Variants in OIT3 observed in about 807,000 individuals in gnomAD.
OIT3 encodes the protein oncoprotein induced transcript 3.
A neutral mutation model predicts 52.2 loss-of-function variants in OIT3; 41 were observed. The ratio of observed to expected loss-of-function variants is 0.79; its 90% CI spans 0.61 to 1.02. The LOEUF (loss-of-function observed/expected upper bound fraction) is 1.02. OIT3 is among the 50% of genes least tolerant of loss of function. The pLI is 0.00. For missense variants in OIT3, 634 were observed against 715.5 expected (o/e 0.89, Z 1.30); for synonymous variants, 244 against 276.9 (o/e 0.88, Z 1.18).
chr10:72,929,820 G>T (rs1035448691), intron 7 of OIT3, among the ~76,000 whole-genome samples: 1 of 152,168 alleles, frequency 6.6e-6, no homozygotes, highest in Non-Finnish European at 1.5e-5. Flanking sequence ...TGGGATTACA[G>T]GCGTGAGCCA....
At chr10:72,913,061 T>G (rs1455921859) in intron 5 of OIT3, among the ~76,000 whole-genome samples, 1 of 152,226 alleles carries the variant, frequency 6.6e-6, no homozygotes, top group African/African-American at 2.4e-5. Context: ...AAACCAATGT[T>G]TGGTGAATTG....
intron 1 of OIT3, among the ~76,000 whole-genome samples, chr10:72,895,644 CG>C (rs1414956428): frequency 1.3e-5 from 2 of 152,128 alleles, no homozygotes; most frequent in African/African-American, 2.4e-5. Flanking sequence ...GATTCAGGGG[CG>C]GCTGTCTGCC....
At position 72,906,643 on chromosome 10, in the gene OIT3, G is replaced by A. The variant is rs150911690; in HGVS notation, c.592G>A (p.Val198Met). The part of the protein sequence containing the change: ...QNNGGCSEIC[V>M]NLKNSYRCEC... ...CAACGGTGGCTGCAGTGAGATCTGT[G>A]TGAACCTCAAAAACTCCTACCGCTG... Residue 198 changes from valine to methionine, a missense_variant, in exon 4 of 9, where the codon GTG becomes ATG. Val to Met is a conservative substitution (Grantham distance 21). Coordinates refer to ENST00000334011, the MANE Select transcript of OIT3 (RefSeq NM_152635.3). 1.9e-6 allele frequency: 3 copies of A among 1,613,560 alleles called. No individual in the cohort carries two copies. The African/African-American group carries it at 4.0e-5, about 22-fold the overall frequency.
At chr10:72,926,265 A>C (rs1380079201) in intron 7 of OIT3, among the ~76,000 whole-genome samples, 1 of 152,230 alleles carries the variant, frequency 6.6e-6, no homozygotes, top group Non-Finnish European at 1.5e-5. Flanking sequence ...CACTACAGCC[A>C]GCCTTCACCT....
chr10:72,911,963 C>A (rs1439788189), intron 5 of OIT3, 124 bp downstream of exon 5: 3 of 761,568 alleles, frequency 3.9e-6, no homozygotes, highest in African/African-American at 3.5e-5. Flanking sequence ...GCTCTTCGAG[C>A]AGTGTGTATT....
chr10:72,912,103 T>G (rs1315302430), intron 5 of OIT3, among the ~76,000 whole-genome samples: 4 of 152,156 alleles, frequency 2.6e-5, no homozygotes, highest in Non-Finnish European at 5.9e-5. Flanking sequence ...TGACTAATAC[T>G]CAATATGGAA....
chr10:72,924,872 G>A (rs1846155167), intron 7 of OIT3, among the ~76,000 whole-genome samples: 1 of 152,098 alleles, frequency 6.6e-6, no homozygotes. Context: ...AGCACTTTGG[G>A]AGCCAAGGCG....
At position 72,913,263 on chromosome 10, in the gene OIT3, C is replaced by T. The variant is rs201798169; in HGVS notation, c.791-45C>T. The T allele has an allele frequency of 3.8e-5, 56 of 1,482,582 alleles. 1 individual carries two copies. In the African/African-American group the frequency reaches 5.5e-4, roughly 15 times the overall value. 91.8% of individuals were successfully genotyped at this position (1,482,582 alleles called of 1,614,324 possible). ...TTATTTCTCCTAAAAGCCTTCCTCCCGATTCAGGTTTCCTGGCTCTAACAG... is the reference window on the plus strand; with the variant it reads ...TTATTTCTCCTAAAAGCCTTCCTCCTGATTCAGGTTTCCTGGCTCTAACAG... On this transcript the variant is annotated intron_variant, in intron 5 of 8. Coordinates refer to ENST00000334011, the MANE Select transcript of OIT3 (RefSeq NM_152635.3).
intron 6 of OIT3, among the ~76,000 whole-genome samples, chr10:72,916,094 C>T (rs183481132): frequency 6.6e-6 from 1 of 152,264 alleles, no homozygotes; most frequent in East Asian, 1.9e-4. Context: ...ACTCTCATCG[C>T]ACTCATCCCT....
Position 72,932,764 on chromosome 10 carries a change from C to A in OIT3, c.*240C>A. 2.4e-6 allele frequency: 1 copy of A among 412,420 alleles called. No homozygotes were observed. The highest frequency in any genetic ancestry group is 4.3e-6 in the Non-Finnish European group (1 of 233,434). 25.5% of individuals were successfully genotyped at this position (412,420 alleles called of 1,614,324 possible). A position where few individuals can be genotyped will look rare whatever the true frequency, so the allele number is the denominator to read the frequency against. On this transcript the variant is annotated 3_prime_UTR_variant, in exon 9 of 9. Coordinates refer to ENST00000334011, the MANE Select transcript of OIT3 (RefSeq NM_152635.3). Reference sequence around the variant, plus strand: ...TAGGGTTGAAAACTAAACTGTCCACCCAGAAAGACACTCACCCCATTTCCC... The same window carrying A: ...TAGGGTTGAAAACTAAACTGTCCACACAGAAAGACACTCACCCCATTTCCC...
intron 6 of OIT3, among the ~76,000 whole-genome samples, chr10:72,916,118 T>C (rs1450924678): frequency 2.0e-5 from 3 of 152,164 alleles, no homozygotes; most frequent in Non-Finnish European, 1.5e-5. Flanking sequence ...TGACCATAGA[T>C]CATTTCTTAC....
intron 7 of OIT3, 92 bp downstream of exon 7, chr10:72,924,736 G>GT: frequency 9.7e-7 from 1 of 1,030,182 alleles, no homozygotes; most frequent in Non-Finnish European, 1.4e-6. Flanking sequence ...AAACTGCATG[G>GT]TACCACTGTC....
At chr10:72,920,364 A>C (rs1414824692) in intron 6 of OIT3, among the ~76,000 whole-genome samples, 4 of 151,832 alleles carry the variant, frequency 2.6e-5, no homozygotes, top group African/African-American at 9.7e-5. Context: ...TATTTTATTA[A>C]CTTTTTGGAA....
chr10:72,932,295 AG>A lies in OIT3; in HGVS notation c.1468-58del, dbSNP rs374109952. ...GGAACATTTAGTATTGTGTCTTGTAAGTGCCCCACAAGTGGCAGCAGTTATT... is the reference window on the plus strand; with the variant it reads ...GGAACATTTAGTATTGTGTCTTGTAATGCCCCACAAGTGGCAGCAGTTATT... On this transcript the variant is annotated intron_variant, in intron 8 of 8. Transcript: ENST00000334011. 4.8e-6 allele frequency: 7 copies of A among 1,455,028 alleles called. No homozygotes were observed. The African/African-American group carries it at 5.6e-5, about 12-fold the overall frequency. The allele number at this position is 1,455,028 out of a possible 1,614,324, so 90.1% of individuals were successfully genotyped here.
chr10:72,904,982 C>T (rs559337450), intron 3 of OIT3, among the ~76,000 whole-genome samples: 8 of 152,294 alleles, frequency 5.3e-5, no homozygotes, highest in Middle Eastern at 3.4e-3. Flanking sequence ...CTGGCATGTG[C>T]AGAGATCTCA....
intron 6 of OIT3, among the ~76,000 whole-genome samples, chr10:72,923,733 T>C (rs1448246650): frequency 1.3e-5 from 2 of 152,188 alleles, no homozygotes. Flanking sequence ...GAGGACCTGC[T>C]TAAAGAAGCA....
chr10:72,907,230 G>A (rs1012550314), intron 4 of OIT3, among the ~76,000 whole-genome samples: 43 of 152,126 alleles, frequency 2.8e-4, no homozygotes, highest in Admixed American at 1.8e-3. Flanking sequence ...CTATGATTGC[G>A]CCACTGCACT....
chr10:72,927,200 G>A (rs1408306092), intron 7 of OIT3, among the ~76,000 whole-genome samples: 2 of 151,980 alleles, frequency 1.3e-5, no homozygotes, highest in Non-Finnish European at 1.5e-5. Context: ...GTGCAGTGGC[G>A]CAATCTCAGC....
intron 6 of OIT3, among the ~76,000 whole-genome samples, chr10:72,915,640 T>C (rs558887704): frequency 1.3e-5 from 2 of 152,290 alleles, no homozygotes; most frequent in Middle Eastern, 3.4e-3. Flanking sequence ...CCTGTAAGGA[T>C]CTCATAGCCT....
Sources: allele counts gnomAD v4.1 joint callset (sites outside exome capture counted in the v4.1 genomes callset), GRCh38; gene constraint gnomAD v4.1.1; transcripts MANE v1.5; gene names NCBI Gene and HGNC (gene_info 2026-07-23, HGNC 2026-07-21).